MVP: variants seen among roughly 807,000 people sequenced by gnomAD.
The protein encoded by MVP is major vault protein.
In MVP, 62 loss-of-function variants were observed where a neutral mutation model predicts 83.5. The observed-to-expected ratio is 0.74, with a 90% CI of 0.61 to 0.92. MVP has a LOEUF of 0.92. MVP is among the 40% of genes least tolerant of loss of function. The pLI, the probability that MVP is intolerant of heterozygous loss-of-function variation, is 0.00. For missense variants in MVP, 1,000 were observed against 1,203.4 expected (o/e 0.83, Z 2.50); for synonymous variants, 505 against 504.1 (o/e 1.00, Z -0.02).
intron 1 of MVP, among the ~76,000 whole-genome samples, chr16:29,829,147 G>T (rs2067423543): frequency 6.8e-6 from 1 of 147,768 alleles, no homozygotes; most frequent in African/African-American, 2.5e-5. Context: ...ATGAGCCACT[G>T]CACCTGTCCT....
In MVP at chr16:29,846,226, AG is replaced by A; in HGVS notation, c.2210del (p.Gly737GlufsTer10). On this transcript the variant is annotated frameshift_variant, in exon 13 of 15. Coordinates refer to ENST00000357402, the MANE Select transcript of MVP (RefSeq NM_005115.5). LOFTEE classifies it high-confidence loss of function. ...TCCCGTGCGGAGGCAGCCCGGATTG[AG>A]GGAGAAGGGTCCGTGCTGCAGGCCA... ...AESRAEAARI[E>X]GEGSVLQAKL... 1 of 1,589,846 alleles carries A rather than the reference AG, an allele frequency of 6.3e-7. No individual in the cohort carries two copies. Among genetic ancestry groups the A allele is most frequent in the Non-Finnish European group, 8.6e-7 (1 of 1,167,598 alleles).
chr16:29,836,865 C>T lies in MVP; in HGVS notation c.816C>T (p.Pro272=), dbSNP rs745916867. The T allele has an allele frequency of 4.3e-6, 7 of 1,614,016 alleles. No individual in the cohort carries two copies. In the Admixed American group the frequency reaches 6.7e-5, roughly 15 times the overall value. Residue 272 remains proline (P), a synonymous_variant, in exon 7 of 15, where the codon CCC becomes CCT. Coordinates refer to ENST00000357402, the MANE Select transcript of MVP (RefSeq NM_005115.5). ...DVHEEVLGVV[P]ITTLGPHNYC... ...ACGAGGAGGTGCTGGGGGTTGTGCC[C>T]ATCACCACCCTGGGCCCCCACAACT...
At chr16:29,826,010 C>T (rs2067402475) in intron 1 of MVP, 2 of 152,292 alleles carry the variant, frequency 1.3e-5, no homozygotes, top group Admixed American at 6.5e-5. Flanking sequence ...AAAGCCCCTA[C>T]TTGCTGTTCC....
At chr16:29,837,046 C>G in intron 7 of MVP, 88 bp downstream of exon 7, 1 of 1,244,304 alleles carries the variant, frequency 8.0e-7, no homozygotes, top group South Asian at 1.5e-5. Context: ...CTCCTCCAGA[C>G]GCACGTTCTA....
intron 3 of MVP, 146 bp from the exon 4 acceptor site, chr16:29,833,587 G>A: frequency 9.6e-7 from 1 of 1,046,542 alleles, no homozygotes; most frequent in Non-Finnish European, 1.4e-6. Context: ...TGGGATGACA[G>A]GTGTGAGCCA....
chr16:29,842,227 C>A, intron 10 of MVP, 115 bp downstream of exon 10: 1 of 987,582 alleles, frequency 1.0e-6, no homozygotes, highest in Non-Finnish European at 1.5e-6. Flanking sequence ...GCCTTGATGG[C>A]CCCACTATAC....
chr16:29,821,576 C>T (rs1024434340), intron 1 of MVP, among the ~76,000 whole-genome samples: 2 of 152,154 alleles, frequency 1.3e-5, no homozygotes, highest in African/African-American at 4.8e-5. Flanking sequence ...AGTACACAGC[C>T]CCACCCAGGT....
intron 1 of MVP, among the ~76,000 whole-genome samples, chr16:29,828,910 G>A (rs534839491): frequency 3.0e-4 from 45 of 152,216 alleles, no homozygotes; most frequent in Admixed American, 1.4e-3. Context: ...TTTACAGATC[G>A]TGGGGCTCAA....
intron 6 of MVP, 115 bp downstream of exon 6, chr16:29,835,913 A>G (rs1053804385): frequency 7.1e-6 from 6 of 848,078 alleles, no homozygotes; most frequent in African/African-American, 1.7e-5. Context: ...TTTTAGGGTC[A>G]CTTAAAAAAA....
intron 5 of MVP, 118 bp from the exon 6 acceptor site, chr16:29,835,586 T>A: frequency 3.0e-6 from 2 of 668,650 alleles, no homozygotes; most frequent in Non-Finnish European, 5.0e-6. Context: ...GAGCCTGGGG[T>A]CAGTGCTATC....
intron 13 of MVP, among the ~76,000 whole-genome samples, chr16:29,846,844 A>G (rs1051328603): frequency 3.3e-5 from 5 of 151,970 alleles, no homozygotes; most frequent in Admixed American, 2.6e-4. Context: ...CTGGGCAACA[A>G]GAGTGAAACT....
intron 7 of MVP, among the ~76,000 whole-genome samples, chr16:29,838,760 G>A (rs1170237374): frequency 6.6e-6 from 1 of 152,194 alleles, no homozygotes; most frequent in African/African-American, 2.4e-5. Flanking sequence ...CCAGGAAGTG[G>A]AGTGTATAGT....
intron 1 of MVP, among the ~76,000 whole-genome samples, chr16:29,824,140 C>T (rs951016270): frequency 3.1e-5 from 4 of 129,182 alleles, no homozygotes; most frequent in African/African-American, 8.6e-5. Flanking sequence ...TGCTTGAACT[C>T]GGGAGGCAGA....
chr16:29,827,440 C>T (rs1448716612), intron 1 of MVP, among the ~76,000 whole-genome samples: 2 of 152,100 alleles, frequency 1.3e-5, no homozygotes, highest in South Asian at 2.1e-4. Context: ...ATGGGTGCCC[C>T]GAGCCACGGG....
intron 13 of MVP, 130 bp from the exon 14 acceptor site, chr16:29,847,067 G>T: frequency 2.0e-6 from 2 of 993,792 alleles, no homozygotes; most frequent in Non-Finnish European, 3.0e-6. Flanking sequence ...GCACATGCCT[G>T]TAGTCCCAGC....
chr16:29,835,502 A>AG, intron 5 of MVP: 2 of 342,258 alleles, frequency 5.8e-6, no homozygotes, highest in Non-Finnish European at 5.4e-6. Context: ...AAAAAAAAAA[A>AG]AAACTTTTAA....
chr16:29,846,763 G>A (rs564106236), intron 13 of MVP, among the ~76,000 whole-genome samples: 18 of 152,292 alleles, frequency 1.2e-4, no homozygotes, highest in Admixed American at 6.5e-5. Flanking sequence ...GTAGGCTGAG[G>A]CAGGAGAATT....
Position 29,830,777 on chromosome 16 carries a change from C to A in MVP, c.126-101C>A, listed in dbSNP as rs1438638067. On this transcript the variant is annotated intron_variant, in intron 2 of 14. Coordinates refer to ENST00000357402, the MANE Select transcript of MVP (RefSeq NM_005115.5). The stretch of plus-strand genomic sequence containing the variant: ...CCTCCCTCTTCCCAAGCAGGAGTGG[C>A]CCTCGCTTGGGCGATAGAGAGGTTT... 1.3e-5 allele frequency: 20 copies of A among 1,572,192 alleles called. No homozygotes were observed. The South Asian group carries it at 2.2e-4, about 18-fold the overall frequency.
At chr16:29,840,887 C>T (rs767633314) in intron 8 of MVP, among the ~76,000 whole-genome samples, 12 of 151,066 alleles carry the variant, frequency 7.9e-5, no homozygotes, top group Admixed American at 2.0e-4. Context: ...TGCAGTGAGC[C>T]GAGATCACAC....
Sources: allele counts gnomAD v4.1 joint callset (sites outside exome capture counted in the v4.1 genomes callset), GRCh38; gene constraint gnomAD v4.1.1; transcripts MANE v1.5; gene names NCBI Gene and HGNC (gene_info 2026-07-23, HGNC 2026-07-21).